The following WASHC4 variants were observed in gnomAD, a reference collection of about 807,000 sequenced individuals.
WASHC4 encodes WASH complex subunit 7.
In WASHC4, 86 loss-of-function variants were observed where a neutral mutation model predicts 166.6. The observed-to-expected ratio is 0.52, with a 90% CI of 0.43 to 0.62. The LOEUF is 0.62. Among genes scored for constraint, WASHC4 ranks in the 20% least tolerant of loss-of-function variants. The probability of loss-of-function intolerance (pLI) is 0.00; values close to 1 mark genes in which losing one functional copy is unlikely to be tolerated. For missense variants in WASHC4, 1,262 were observed against 1,382.4 expected (o/e 0.91, Z 1.38); for synonymous variants, 446 against 451.6 (o/e 0.99, Z 0.16).
At chr12:105,148,336 T>G (rs1272722987) in intron 24 of WASHC4, 2 of 985,300 alleles carry the variant, frequency 2.0e-6, no homozygotes, top group Non-Finnish European at 2.4e-6. Flanking sequence ...CTTCCTTGAC[T>G]TCTATCATCT....
chr12:105,145,944 C>T (rs559687670), intron 22 of WASHC4, among the ~76,000 whole-genome samples: 1 of 152,232 alleles, frequency 6.6e-6, no homozygotes, highest in African/African-American at 2.4e-5. Context: ...TGCTGCCTAG[C>T]TATTTTGCCT....
Position 105,146,541 on chromosome 12 carries a change from TA to T in WASHC4, c.2409+18del. ...TCAACAATCAGGTGAGTAGGGTTTA[TA>T]AATTTTTTTTTTTTAATGTAGGTGG... On this transcript the variant is annotated intron_variant, in intron 23 of 32. Coordinates refer to ENST00000332180, the MANE Select transcript of WASHC4 (RefSeq NM_015275.3). 1 of 1,511,404 alleles carries T rather than the reference TA, an allele frequency of 6.6e-7. No homozygotes were observed. Among genetic ancestry groups the T allele is most frequent in the South Asian group, 1.2e-5 (1 of 86,476 alleles). The allele number at this position is 1,511,404 out of a possible 1,614,324, so 93.6% of individuals were successfully genotyped here. A position where few individuals can be genotyped will look rare whatever the true frequency, so the allele number is the denominator to read the frequency against.
intron 6 of WASHC4, among the ~76,000 whole-genome samples, chr12:105,116,842 T>G (rs1232345817): frequency 6.6e-6 from 1 of 152,094 alleles, no homozygotes; most frequent in Non-Finnish European, 1.5e-5. Flanking sequence ...AGATACCTCC[T>G]TTACATCCAG....
At chr12:105,150,619 A>G (rs1342537338) in intron 25 of WASHC4, among the ~76,000 whole-genome samples, 1 of 152,194 alleles carries the variant, frequency 6.6e-6, no homozygotes, top group African/African-American at 2.4e-5. Context: ...CCTCATCTCT[A>G]CTAATAATAC....
intron 13 of WASHC4, among the ~76,000 whole-genome samples, chr12:105,132,472 A>G (rs1333541794): frequency 2.6e-5 from 4 of 152,180 alleles, no homozygotes; most frequent in Admixed American, 2.6e-4. Flanking sequence ...ATGCCCGGCC[A>G]CATACTAAGT....
intron 24 of WASHC4, 188 bp downstream of exon 24, chr12:105,147,334 G>A: frequency 1.7e-6 from 1 of 587,792 alleles, no homozygotes; most frequent in South Asian, 2.0e-5. Flanking sequence ...TGGGAGCTGT[G>A]ATACAAAAGA....
rs1015728894 is a variant in WASHC4, at chr12:105,133,915, G to A, written c.1326+19G>A. 9.3e-6 allele frequency: 15 copies of A among 1,605,978 alleles called. No individual in the cohort carries two copies. The highest frequency in any genetic ancestry group is 6.7e-5 in the East Asian group (3 of 44,472). On this transcript the variant is annotated intron_variant, in intron 14 of 32. Transcript: ENST00000332180. ...TATACAGGTAGTTGCATCTTATTTC[G>A]GGGAATCATTTTTTTGTTAATCCAA...
intron 1 of WASHC4, among the ~76,000 whole-genome samples, chr12:105,110,239 C>G (rs1879537504): frequency 6.6e-6 from 1 of 152,156 alleles, no homozygotes; most frequent in Admixed American, 6.5e-5. Flanking sequence ...CAGCATGAGT[C>G]AGAACACACT....
Position 105,133,820 on chromosome 12 carries a change from A to G in WASHC4, c.1250A>G (p.Glu417Gly). 17 of 1,611,854 alleles carry G rather than the reference A, an allele frequency of 1.1e-5. No homozygotes were observed. Among genetic ancestry groups the G allele is most frequent in the Non-Finnish European group, 1.4e-5 (17 of 1,178,292 alleles). ...GTGAGCTCATGGATGATGAAAATGG[A>G]ATCTATTTTGTCTAAAGAGCAGAGA... is the stretch of plus-strand genomic sequence containing the variant. The part of the protein sequence containing the change: ...VFVSSWMMKM[E>G]SILSKEQRMD... Residue 417 changes from glutamate (E) to glycine (G), a missense_variant, in exon 14 of 33, where the codon GAA (glutamate) becomes GGA (glycine). Physicochemically the swap from Glu to Gly is moderately conservative, Grantham distance 98 (BLOSUM62 -2). Transcript: ENST00000332180.
Position 105,144,378 on chromosome 12 carries a change from A to G in WASHC4, c.2102A>G (p.Lys701Arg). 1 of 1,613,534 alleles carries G rather than the reference A, an allele frequency of 6.2e-7. No individual in the cohort carries two copies. Among genetic ancestry groups the G allele is most frequent in the Non-Finnish European group, 8.5e-7 (1 of 1,179,514 alleles). Residue 701 changes from lysine to arginine, a missense_variant, in exon 21 of 33, where the codon AAA becomes AGA. By Grantham distance (26) the Lys-to-Arg change is conservative. Coordinates refer to ENST00000332180, the MANE Select transcript of WASHC4 (RefSeq NM_015275.3). ...HLKLDDRNPF[K>R]VGMKDLALFF... ...AAGCTGGATGACCGAAACCCTTTCA[A>G]AGTTGGCATGAAAGACCTGGCTCTT... is the stretch of plus-strand genomic sequence containing the variant.
rs1209261536 is a variant in WASHC4 at position 105,141,050 on chromosome 12, GTGTAT to G, written c.1707+8_1707+12del. On this transcript the variant is annotated splice_donor_region_variant and intron_variant, in intron 17 of 32. Coordinates refer to ENST00000332180, the MANE Select transcript of WASHC4 (RefSeq NM_015275.3). ...CTAAGTGTTGGCACACAAATGGTAA[GTGTAT>G]TGCTATTACTTATGGAACAGAAATG... The G allele has an allele frequency of 6.2e-6, 10 of 1,613,928 alleles. No individual in the cohort carries two copies. In the African/African-American group the frequency reaches 1.2e-4, roughly 19 times the overall value.
chr12:105,132,505 A>T (rs1881930289), intron 13 of WASHC4, among the ~76,000 whole-genome samples: 1 of 152,228 alleles, frequency 6.6e-6, no homozygotes, highest in East Asian at 1.9e-4. Flanking sequence ...AGTATAGCTT[A>T]AACAGCTTGT....
chr12:105,132,985 G>A (rs1881996958), intron 13 of WASHC4, among the ~76,000 whole-genome samples: 1 of 152,036 alleles, frequency 6.6e-6, no homozygotes, highest in Admixed American at 6.6e-5. Flanking sequence ...TGGTTTTCCT[G>A]CTTTTACCAT....
In WASHC4 at chr12:105,144,296, G is replaced by T. The variant is rs748238791; in HGVS notation, c.2020G>T (p.Asp674Tyr). Reference sequence around the variant, plus strand: ...AATCTTTTGTGAATAGCATTTGCTGGACAAATTATGCAAAGAAATAGAGAA... The same window carrying T: ...AATCTTTTGTGAATAGCATTTGCTGTACAAATTATGCAAAGAAATAGAGAA... ...IMEILNEHLL[D>Y]KLCKEIEKDL... The change falls in exon 21 of 33, where the codon GAC becomes TAC. Residue 674 changes from aspartate (D) to tyrosine (Y), a missense_variant. By Grantham distance (160) the Asp-to-Tyr change is radical. Coordinates refer to ENST00000332180, the MANE Select transcript of WASHC4 (RefSeq NM_015275.3). The T allele has an allele frequency of 3.1e-6, 5 of 1,611,810 alleles. No homozygotes were observed. The highest frequency in any genetic ancestry group is 3.4e-6 in the Non-Finnish European group (4 of 1,178,692).
intron 22 of WASHC4, among the ~76,000 whole-genome samples, 196 bp downstream of exon 22, chr12:105,145,068 G>A (rs774386475): frequency 3.3e-5 from 5 of 150,844 alleles, no homozygotes; most frequent in Non-Finnish European, 5.9e-5. Flanking sequence ...ATTTACCACC[G>A]GGGTCCTGCT....
chr12:105,131,050 A>G (rs372643458), intron 13 of WASHC4, among the ~76,000 whole-genome samples: 4 of 151,632 alleles, frequency 2.6e-5, no homozygotes, highest in South Asian at 4.2e-4. Flanking sequence ...AACTTGAAGC[A>G]GTTTTGTTTT....
intron 24 of WASHC4, chr12:105,149,310 C>CT (rs1209624494): frequency 1.7e-5 from 17 of 985,282 alleles, no homozygotes; most frequent in Middle Eastern, 1.0e-3. Flanking sequence ...AAACTAGAGT[C>CT]TTGAGTCTGG....
chr12:105,147,190 T>C lies in WASHC4; in HGVS notation c.2514+44T>C, dbSNP rs760982249. ...GGGTTGAGTGGGTAATAGACCCGTT[T>C]AATAGCTTGGAACGTGGTTTTCTCA... is the stretch of plus-strand genomic sequence containing the variant. On this transcript the variant is annotated intron_variant, in intron 24 of 32. Transcript: ENST00000332180. 5 of 1,082,536 alleles carry C rather than the reference T, an allele frequency of 4.6e-6. No individual in the cohort carries two copies. The South Asian group carries it at 6.2e-5, about 13-fold the overall frequency. The allele number at this position is 1,082,536 out of a possible 1,614,324, so 67.1% of individuals were successfully genotyped here. A position where few individuals can be genotyped will look rare whatever the true frequency, so the allele number is the denominator to read the frequency against.
intron 22 of WASHC4, 41 bp from the exon 23 acceptor site, chr12:105,146,411 T>C (rs770766059): frequency 8.8e-7 from 1 of 1,138,912 alleles, no homozygotes; most frequent in Non-Finnish European, 1.3e-6. Context: ...CTGATTATTT[T>C]AATGAATTAT....
Sources: gnomAD v4.1 joint callset for allele counts (sites outside exome capture counted in the v4.1 genomes callset) on GRCh38, gnomAD v4.1.1 for gene constraint, MANE v1.5 for transcripts, NCBI Gene and HGNC (gene_info 2026-07-23, HGNC 2026-07-21) for gene names.